Variants in PARP1 observed in about 807,000 individuals in gnomAD.
The protein encoded by PARP1 is poly [ADP-ribose] polymerase 1.
Under a neutral mutation model 118.7 loss-of-function variants are expected in PARP1, and 44 were observed. The ratio of observed to expected loss-of-function variants is 0.37; its 90% confidence interval spans 0.29 to 0.48. PARP1 has a LOEUF of 0.48. Ranked by LOEUF, PARP1 falls within the 20% of genes least tolerant of loss-of-function variation. The pLI is 0.99. For missense variants in PARP1, 1,100 were observed against 1,272.4 expected, an observed-to-expected ratio of 0.86 and a Z score of 2.06; for synonymous variants, 492 against 483.2, an observed-to-expected ratio of 1.02 and a Z score of -0.24.
intron 1 of PARP1, among the ~76,000 whole-genome samples, chr1:226,407,166 C>G (rs1222223633): frequency 6.6e-6 from 1 of 152,122 alleles, no homozygotes; most frequent in African/African-American, 2.4e-5. Context: ...CACTCTTACT[C>G]AAACCAGACA....
At chr1:226,392,367 T>G in intron 2 of PARP1, 53 bp from the exon 3 acceptor site, 1 of 1,298,358 alleles carries the variant, frequency 7.7e-7, no homozygotes, top group Non-Finnish European at 1.1e-6. Flanking sequence ...AAAATGCAGC[T>G]CAGAGGAGCC....
rs112526621 is a variant in PARP1 at position 226,393,275 on chromosome 1, A to G, written c.287-961T>C. ...AACACTTAGATAAATTTAACAAAAG[A>G]TGTGCAAGATCTCTACACTAAAAGC... On this transcript the variant is annotated intron_variant, in intron 2 of 22. Coordinates refer to ENST00000366794, the MANE Select transcript of PARP1 (RefSeq NM_001618.4). Among the ~76,000 whole-genome samples the G allele has an allele frequency of 8.1e-3, 1,231 of 152,320 alleles. 11 individuals are homozygous for G. Among genetic ancestry groups the G allele is most frequent in the Middle Eastern group, 0.027 (8 of 294 alleles).
Position 226,361,198 on chromosome 1 carries a change from C to G in PARP1, c.*262G>C. The G allele has an allele frequency of 1.8e-6, 1 of 550,490 alleles. No individual in the cohort carries two copies. Among genetic ancestry groups the G allele is most frequent in the Non-Finnish European group, 3.3e-6 (1 of 305,594 alleles). The allele number at this position is 550,490 out of a possible 1,614,324, so 34.1% of individuals were successfully genotyped here. ...TCTATGCAACAGAATCTCTCTCCAG[C>G]CTTTTCTCTATGTCAGTTTTATCTA... On this transcript the variant is annotated 3_prime_UTR_variant, in exon 23 of 23. Coordinates refer to ENST00000366794, the MANE Select transcript of PARP1 (RefSeq NM_001618.4).
chr1:226,407,832 A>G lies in PARP1; in HGVS notation c.98T>C (p.Leu33Pro). 1 of 1,587,052 alleles carries G rather than the reference A, an allele frequency of 6.3e-7. No individual in the cohort carries two copies. The highest frequency in any genetic ancestry group is 8.6e-7 in the Non-Finnish European group (1 of 1,167,252). ...KCSESIPKDS[L>P]RMAIMVQSPM... is the part of the protein sequence containing the mutation. ...CACCTGCACCATGATGGCCATCCGG[A>G]GCGAGTCCTTGGGGATGCTCTCGCT... The change falls in exon 1 of 23, where the codon CTC becomes CCC. Residue 33 changes from leucine (L) to proline (P), a missense_variant. Leu to Pro is a moderately conservative substitution (Grantham distance 98, BLOSUM62 -3). Coordinates refer to ENST00000366794, the MANE Select transcript of PARP1 (RefSeq NM_001618.4).
intron 15 of PARP1, 29 bp from the exon 16 acceptor site, chr1:226,368,350 A>G (rs1664314471): frequency 1.2e-6 from 2 of 1,613,878 alleles, no homozygotes; most frequent in East Asian, 2.2e-5. Flanking sequence ...AAGGAATGCA[A>G]GACTGAGGGA....
chr1:226,363,872 G>C (rs1664201547), intron 20 of PARP1, 71 bp downstream of exon 20: 17 of 1,541,260 alleles, frequency 1.1e-5, no homozygotes, highest in Admixed American at 1.7e-5. Flanking sequence ...CCAGCCAAGG[G>C]GAGTTCTGCC....
At chr1:226,378,794 C>T (rs1034077727) in intron 12 of PARP1, among the ~76,000 whole-genome samples, 1 of 152,156 alleles carries the variant, frequency 6.6e-6, no homozygotes, top group East Asian at 1.9e-4. Context: ...GTGATTACGC[C>T]ACTGCACTCC....
intron 13 of PARP1, among the ~76,000 whole-genome samples, chr1:226,375,728 G>A (rs1327319226): frequency 6.6e-6 from 1 of 152,124 alleles, no homozygotes; most frequent in Admixed American, 6.5e-5. Flanking sequence ...TTGGCTTCTT[G>A]CTTTTTAAAA....
At chr1:226,382,277 T>C (rs1307495662) in intron 8 of PARP1, among the ~76,000 whole-genome samples, 1 of 152,228 alleles carries the variant, frequency 6.6e-6, no homozygotes, top group Non-Finnish European at 1.5e-5. Context: ...ACTGTCTTGG[T>C]TGGCTTGGGG....
In PARP1 at chr1:226,368,206, C is replaced by A; in HGVS notation, c.2270G>T (p.Ser757Ile). 1 of 1,614,240 alleles carries A rather than the reference C, an allele frequency of 6.2e-7. No homozygotes were observed. Among genetic ancestry groups the A allele is most frequent in the Admixed American group, 1.7e-5 (1 of 60,034 alleles). ...TCTGAACCCTTGCGCTACCTGCACA[C>A]TGTCTGCATTGTTCAGGAGCGGAGG... ...KKPPLLNNAD[S>I]VQAKVEMLDN... The change falls in exon 16 of 23, where the codon AGT becomes ATT. Residue 757 changes from serine (S) to isoleucine (I), a missense_variant. Ser to Ile is a moderately radical substitution (Grantham distance 142). Coordinates refer to ENST00000366794, the MANE Select transcript of PARP1 (RefSeq NM_001618.4).
chr1:226,390,330 G>T, intron 4 of PARP1, 80 bp downstream of exon 4: 2 of 1,186,296 alleles, frequency 1.7e-6, no homozygotes. Flanking sequence ...CAGAGGAGTG[G>T]TATGGAACCT....
In PARP1 at chr1:226,364,047, C is replaced by A. The variant is rs1052840014; in HGVS notation, c.2682G>T (p.Gly894=). The A allele has an allele frequency of 6.2e-7, 1 of 1,614,000 alleles. No individual in the cohort carries two copies. The highest frequency in any genetic ancestry group is 8.5e-7 in the Non-Finnish European group (1 of 1,179,884). ...TGGAGACCATGTCAGCGAAATAGATCCCTTTACCAAACATGTAGCCTGTCT... is the reference window on the plus strand; with the variant it reads ...TGGAGACCATGTCAGCGAAATAGATACCTTTACCAAACATGTAGCCTGTCT... ...APVTGYMFGK[G]IYFADMVSKS... is the part of the protein sequence containing the mutation. The change falls in exon 20 of 23, where the codon GGG becomes GGT. Residue 894 remains glycine, a synonymous_variant. Coordinates refer to ENST00000366794, the MANE Select transcript of PARP1 (RefSeq NM_001618.4).
chr1:226,379,764 C>A, intron 10 of PARP1, 123 bp from the exon 11 acceptor site: 1 of 1,342,260 alleles, frequency 7.5e-7, no homozygotes, highest in Non-Finnish European at 1.1e-6. Context: ...TATATACACA[C>A]TACTCCCGCC....
At chr1:226,379,026 G>A in intron 12 of PARP1, 116 bp downstream of exon 12, 2 of 1,275,350 alleles carry the variant, frequency 1.6e-6, no homozygotes, top group Non-Finnish European at 2.3e-6. Flanking sequence ...TCTGTGATTA[G>A]ATTTCATTCC....
chr1:226,398,759 T>G (rs1398290132), intron 2 of PARP1, among the ~76,000 whole-genome samples: 2 of 152,250 alleles, frequency 1.3e-5, no homozygotes, highest in Non-Finnish European at 2.9e-5. Context: ...CATCTATTGC[T>G]GGTGGGAATG....
intron 5 of PARP1, among the ~76,000 whole-genome samples, chr1:226,388,292 A>G (rs958133039): frequency 2.0e-5 from 3 of 152,228 alleles, no homozygotes; most frequent in African/African-American, 7.2e-5. Context: ...CTAAGTATTC[A>G]GTTTCCAAAG....
intron 2 of PARP1, among the ~76,000 whole-genome samples, chr1:226,399,917 G>C (rs944179796): frequency 2.0e-5 from 3 of 152,150 alleles, no homozygotes. Flanking sequence ...ACAGAAGAAT[G>C]TCATGAACCT....
chr1:226,385,418 C>T (rs1163075994), intron 7 of PARP1, 86 bp downstream of exon 7: 8 of 1,142,140 alleles, frequency 7.0e-6, no homozygotes. Flanking sequence ...GCCCTGCAAT[C>T]TCAGGGACCT....
chr1:226,379,524 G>C, intron 11 of PARP1, 49 bp downstream of exon 11: 1 of 1,460,070 alleles, frequency 6.8e-7, no homozygotes, highest in Non-Finnish European at 9.6e-7. Flanking sequence ...AGTCAGCTGG[G>C]GGTTGGGGGG....
Sources: gnomAD v4.1 joint callset for allele counts (sites outside exome capture counted in the v4.1 genomes callset) on GRCh38, gnomAD v4.1.1 for gene constraint, MANE v1.5 for transcripts, NCBI Gene and HGNC (gene_info 2026-07-23, HGNC 2026-07-21) for gene names.